The following SPMIP4 variants were observed in gnomAD, a reference collection of about 807,000 sequenced individuals.
SPMIP4 encodes the protein sperm microtubule inner protein 4.
the SPMIP4 span, among the ~76,000 whole-genome samples, chr7:25,160,253 G>GAAATTCCATTATTAATA: frequency 2.9e-5 from 2 of 67,922 alleles, no homozygotes; most frequent in Admixed American, 3.6e-4. Context: ...TCTTAATAAA[G>GAAATTCCATTATTAATA]AAGTGATAGT....
At chr7:25,134,493 A>G in the SPMIP4 span, among the ~76,000 whole-genome samples, 1 of 152,346 alleles carries the variant, frequency 6.6e-6, no homozygotes, top group African/African-American at 2.4e-5. Flanking sequence ...GTTAAAGGAA[A>G]GGCTGACTTC....
the SPMIP4 span, among the ~76,000 whole-genome samples, chr7:25,152,325 T>C: frequency 3.9e-4 from 59 of 152,370 alleles, no homozygotes; most frequent in South Asian, 3.5e-3. Context: ...TTTTGTTTTA[T>C]ATCTGATAAG....
chr7:25,179,206 T>A, the SPMIP4 span: 2 of 1,612,274 alleles, frequency 1.2e-6, no homozygotes, highest in African/African-American at 2.7e-5. Context: ...CGAGTAACCG[T>A]CTGGAGGGGG....
At chr7:25,152,642 ACTTCCTAACTTCTTTCCTTC>A in the SPMIP4 span, among the ~76,000 whole-genome samples, 3 of 151,832 alleles carry the variant, frequency 2.0e-5, no homozygotes, top group African/African-American at 7.3e-5. Context: ...TGCACTCTTA[ACTTCCTAACTTCTTTCCTTC>A]CTTCCTTCCT....
the SPMIP4 span, among the ~76,000 whole-genome samples, chr7:25,126,604 T>C: frequency 2.0e-5 from 3 of 152,126 alleles, no homozygotes; most frequent in African/African-American, 7.2e-5. Context: ...TTTTAAAACT[T>C]TTTCTTGTTT....
At chr7:25,137,696 C>CGTAG in the SPMIP4 span, among the ~76,000 whole-genome samples, 1 of 152,112 alleles carries the variant, frequency 6.6e-6, no homozygotes, top group African/African-American at 2.4e-5. Context: ...AGCATGTCTA[C>CGTAG]CTCTAAATTT....
the SPMIP4 span, among the ~76,000 whole-genome samples, chr7:25,174,156 T>G: frequency 6.6e-6 from 1 of 152,172 alleles, no homozygotes; most frequent in Non-Finnish European, 1.5e-5. The surrounding 1 kb of genome is among the most constrained non-coding windows in gnomAD (Gnocchi z 4.5). Flanking sequence ...TATGTTTTAA[T>G]AATTTTAATG....
chr7:25,164,517 G>A, the SPMIP4 span, among the ~76,000 whole-genome samples: 2 of 152,174 alleles, frequency 1.3e-5, no homozygotes, highest in African/African-American at 4.8e-5. Flanking sequence ...AGATCTCTTA[G>A]AACATACTTT....
chr7:25,137,772 T>C, the SPMIP4 span, among the ~76,000 whole-genome samples: 3 of 152,222 alleles, frequency 2.0e-5, no homozygotes, highest in African/African-American at 7.2e-5. Flanking sequence ...TTAACTTGAT[T>C]ACCTTGGAAA....
chr7:25,134,763 T>C, the SPMIP4 span: 1 of 985,176 alleles, frequency 1.0e-6, no homozygotes, highest in African/African-American at 1.7e-5. Flanking sequence ...TACTCTGTGA[T>C]AAAAAGTGTG....
chr7:25,134,831 A>G, the SPMIP4 span: 2 of 985,410 alleles, frequency 2.0e-6, no homozygotes, highest in South Asian at 4.7e-5. Flanking sequence ...TAAAGGCTAT[A>G]GAGAACCCAG....
the SPMIP4 span, among the ~76,000 whole-genome samples, chr7:25,174,673 A>C: frequency 6.6e-6 from 1 of 152,224 alleles, no homozygotes; most frequent in African/African-American, 2.4e-5. This position sits in a 1 kb window ranked among gnomAD's most constrained non-coding sequence, Gnocchi z 4.5. Flanking sequence ...AAATCCTATT[A>C]TATAATGAAA....
At chr7:25,156,171 G>A in the SPMIP4 span, among the ~76,000 whole-genome samples, 1 of 152,206 alleles carries the variant, frequency 6.6e-6, no homozygotes, top group Non-Finnish European at 1.5e-5. Context: ...AGGATGCCAT[G>A]TGAAGATAAG....
At chr7:25,168,590 A>T in the SPMIP4 span, 2 of 766,440 alleles carry the variant, frequency 2.6e-6, no homozygotes, top group African/African-American at 3.6e-5. Flanking sequence ...AGAACACAGA[A>T]TTCTCAGTGT....
At chr7:25,159,922 C>T in the SPMIP4 span, among the ~76,000 whole-genome samples, 1 of 151,174 alleles carries the variant, frequency 6.6e-6, no homozygotes, top group Non-Finnish European at 1.5e-5. Flanking sequence ...TCTTATGTGA[C>T]AAATTCCACT....
the SPMIP4 span, among the ~76,000 whole-genome samples, chr7:25,148,631 T>C: frequency 6.6e-6 from 1 of 151,978 alleles, no homozygotes; most frequent in East Asian, 1.9e-4. Context: ...TGCCCCACCA[T>C]GCCCAACTAA....
the SPMIP4 span, chr7:25,155,123 G>A: frequency 3.1e-6 from 5 of 1,613,098 alleles, no homozygotes; most frequent in Non-Finnish European, 4.2e-6. Context: ...ACGTGAAGGT[G>A]GGGAACATGG....
chr7:25,166,277 G>C, the SPMIP4 span, among the ~76,000 whole-genome samples: 1 of 128,304 alleles, frequency 7.8e-6, no homozygotes, highest in East Asian at 2.1e-4. Context: ...GCCCAGGCTG[G>C]AGAGCAATGG....
At chr7:25,151,247 G>GCC in the SPMIP4 span, among the ~76,000 whole-genome samples, 1 of 149,130 alleles carries the variant, frequency 6.7e-6, no homozygotes, top group East Asian at 2.0e-4. Context: ...TTTTTAAACA[G>GCC]AGTTCACTCT....
Sources: allele counts gnomAD v4.1 joint callset (sites outside exome capture counted in the v4.1 genomes callset), GRCh38; gene constraint gnomAD v4.1.1; non-coding constraint Gnocchi (gnomAD v3.1); transcripts MANE v1.5; gene names NCBI Gene and HGNC (gene_info 2026-07-23, HGNC 2026-07-21).